The following EDARADD variants were observed in gnomAD, a reference collection of about 807,000 sequenced individuals.
The protein encoded by EDARADD is EDAR associated via death domain.
A neutral mutation model predicts 25.6 loss-of-function variants in EDARADD; 20 were observed. The ratio of observed to expected loss-of-function variants is 0.78; its 90% CI spans 0.55 to 1.14. The LOEUF is 1.14. Ranked by LOEUF, EDARADD falls within the 50% of genes most tolerant of loss-of-function variation. EDARADD has a pLI of 0.00. For synonymous variants in EDARADD, 86 were observed against 94.4 expected (o/e 0.91, Z 0.52); for missense variants, 225 against 270.1 (o/e 0.83, Z 1.17).
intron 1 of EDARADD, among the ~76,000 whole-genome samples, chr1:236,405,781 CTTTCTTTCTTTTCTTTT>C (rs1242735273): frequency 4.7e-5 from 3 of 63,386 alleles, no homozygotes; most frequent in Non-Finnish European, 6.6e-5. Flanking sequence ...TTCTTTCTTT[CTTTCTTTCTTTTCTTTT>C]TCTTTCTTTC....
chr1:236,448,240 C>T (rs1658618272), intron 4 of EDARADD, among the ~76,000 whole-genome samples: 2 of 152,234 alleles, frequency 1.3e-5, no homozygotes, highest in South Asian at 4.1e-4. Flanking sequence ...CTTAAATGTC[C>T]TAGGGCTTTC....
chr1:236,372,277 T>A (rs2102993855), intron 3 of EDARADD, among the ~76,000 whole-genome samples: 1 of 152,284 alleles, frequency 6.6e-6, no homozygotes, highest in East Asian at 1.9e-4. Context: ...TTTTTTATCA[T>A]GAAAGGCTGT....
At chr1:236,353,532 AG>A (rs1285598860) in intron 3 of EDARADD, among the ~76,000 whole-genome samples, 4 of 152,034 alleles carry the variant, frequency 2.6e-5, no homozygotes, top group African/African-American at 7.2e-5. Context: ...TACAAAAATT[AG>A]CCGGGCGTGG....
intron 3 of EDARADD, among the ~76,000 whole-genome samples, chr1:236,361,411 T>C (rs1667046174): frequency 6.6e-6 from 1 of 151,576 alleles, no homozygotes; most frequent in South Asian, 2.1e-4. Context: ...CACCTCCGGG[T>C]TCAAGTGATT....
intron 1 of EDARADD, among the ~76,000 whole-genome samples, chr1:236,406,950 T>G (rs2103006976): frequency 6.6e-6 from 1 of 152,354 alleles, no homozygotes; most frequent in African/African-American, 2.4e-5. Flanking sequence ...CAGGGAGGCA[T>G]TAGCAACACA....
At chr1:236,397,885 G>A (rs927499086) in intron 1 of EDARADD, among the ~76,000 whole-genome samples, 4 of 151,972 alleles carry the variant, frequency 2.6e-5, no homozygotes, top group African/African-American at 7.3e-5. Flanking sequence ...ATATTGTTTC[G>A]TTTCTGCAAC....
At position 236,395,317 on chromosome 1, in the gene EDARADD, G is replaced by A. The variant is rs1310236273; in HGVS notation, c.61+812G>A. On this transcript the variant is annotated intron_variant, in intron 1 of 5. Transcript: ENST00000334232. This position sits in a 1 kb window ranked among gnomAD's most constrained non-coding sequence, Gnocchi z 6.9. ...GCTGGGGACGCCCGGGACACTCGGG[G>A]CCCCGCCTTGCGTCCCAGCCCCGGG... 15 of 1,271,348 alleles carry A rather than the reference G, an allele frequency of 1.2e-5. No individual in the cohort carries two copies. The highest frequency in any genetic ancestry group is 1.0e-5 in the Non-Finnish European group (10 of 1,001,214). The allele number at this position is 1,271,348 out of a possible 1,614,324, so 78.8% of individuals were successfully genotyped here. A position where few individuals can be genotyped will look rare whatever the true frequency, so the allele number is the denominator to read the frequency against.
intron 3 of EDARADD, among the ~76,000 whole-genome samples, chr1:236,417,109 C>T (rs1284526923): frequency 7.3e-6 from 1 of 137,038 alleles, no homozygotes; most frequent in South Asian, 2.6e-4. Context: ...GAATGAGACC[C>T]TGTCTCAAAA....
At chr1:236,466,682 AGGTAT>A (rs1659199910) in intron 4 of EDARADD, among the ~76,000 whole-genome samples, 1 of 152,234 alleles carries the variant, frequency 6.6e-6, no homozygotes, top group South Asian at 2.1e-4. Flanking sequence ...GGTTAGGTGA[AGGTAT>A]GTACACTGCT....
chr1:236,409,839 C>T (rs1323341650), intron 2 of EDARADD, among the ~76,000 whole-genome samples: 2 of 151,846 alleles, frequency 1.3e-5, no homozygotes, highest in Non-Finnish European at 2.9e-5. Context: ...GCTGGGATTA[C>T]AGATGTGAGC....
At chr1:236,450,662 C>T (rs1251052063) in intron 4 of EDARADD, among the ~76,000 whole-genome samples, 1 of 151,416 alleles carries the variant, frequency 6.6e-6, no homozygotes, top group East Asian at 2.0e-4. Context: ...GATTCTCCTG[C>T]CTCAGCCTCC....
upstream of EDARADD, among the ~76,000 whole-genome samples, chr1:236,389,762 G>A (rs1176269609): frequency 6.6e-6 from 1 of 152,166 alleles, no homozygotes; most frequent in Non-Finnish European, 1.5e-5. Flanking sequence ...CAGTACTTTA[G>A]AGGCCAAGGC....
intron 1 of EDARADD, among the ~76,000 whole-genome samples, chr1:236,400,474 A>G (rs973030505): frequency 2.6e-5 from 4 of 152,140 alleles, no homozygotes; most frequent in African/African-American, 7.2e-5. Flanking sequence ...AGGAAGCTCA[A>G]TGAAACAGTG....
At chr1:236,409,126 C>T in intron 1 of EDARADD, 90 bp from the exon 2 acceptor site, 2 of 797,876 alleles carry the variant, frequency 2.5e-6, no homozygotes, top group East Asian at 2.7e-5. Context: ...AATTACTTGC[C>T]TCTGTATAGA....
At chr1:236,366,789 GTGTC>G (rs1176590631) in intron 3 of EDARADD, among the ~76,000 whole-genome samples, 7 of 143,862 alleles carry the variant, frequency 4.9e-5, no homozygotes, top group Non-Finnish European at 4.5e-5. Context: ...TTAATGTAGA[GTGTC>G]TGGCCAGGCG....
chr1:236,371,940 T>C (rs1271521186), intron 3 of EDARADD, among the ~76,000 whole-genome samples: 1 of 151,892 alleles, frequency 6.6e-6, no homozygotes, highest in East Asian at 1.9e-4. Flanking sequence ...GGTTTGTTGT[T>C]TTTTTAATTT....
intron 2 of EDARADD, among the ~76,000 whole-genome samples, chr1:236,411,253 G>A (rs1657470964): frequency 6.6e-6 from 1 of 152,154 alleles, no homozygotes; most frequent in African/African-American, 2.4e-5. Context: ...ACCACAGACT[G>A]GGCAGCTTTC....
chr1:236,483,474 T>C lies in EDARADD; in HGVS notation c.*825T>C. ...AGAGATGGATGGAACAGAAAATAAA[T>C]CTAAATTTGGTGCAAATGCCATTCT... is the stretch of plus-strand genomic sequence containing the variant. On this transcript the variant is annotated 3_prime_UTR_variant, in exon 6 of 6. Transcript: ENST00000334232. 2 of 1,036,100 alleles carry C rather than the reference T, an allele frequency of 1.9e-6. No individual in the cohort carries two copies. The highest frequency in any genetic ancestry group is 3.0e-6 in the Non-Finnish European group (2 of 655,744). 64.2% of individuals were successfully genotyped at this position (1,036,100 alleles called of 1,614,324 possible). A position where few individuals can be genotyped will look rare whatever the true frequency, so the allele number is the denominator to read the frequency against.
intron 3 of EDARADD, among the ~76,000 whole-genome samples, chr1:236,426,796 G>C (rs1450437092): frequency 6.6e-6 from 1 of 152,212 alleles, no homozygotes; most frequent in Non-Finnish European, 1.5e-5. Flanking sequence ...TTGGGAGGCT[G>C]AGGTGGGAGG....
Sources: allele counts gnomAD v4.1 joint callset (sites outside exome capture counted in the v4.1 genomes callset), GRCh38; gene constraint gnomAD v4.1.1; non-coding constraint Gnocchi (gnomAD v3.1); transcripts MANE v1.5; gene names NCBI Gene and HGNC (gene_info 2026-07-23, HGNC 2026-07-21).